FLNA: variants seen among roughly 807,000 people sequenced by gnomAD.
FLNA encodes the protein filamin A, also known as filamin-A.
In FLNA, 7 loss-of-function variants were observed where a neutral mutation model predicts 157.6. That is an observed-to-expected ratio of 0.04 (90% CI 0.03 to 0.08). The LOEUF is 0.08. Among genes scored for constraint, FLNA ranks in the 10% least tolerant of loss-of-function variants. The pLI is 1.00. For synonymous variants in FLNA, 1,103 were observed against 1,060.8 expected, an observed-to-expected ratio of 1.04 and a Z score of -0.77; for missense variants, 1,750 against 2,398.4, an observed-to-expected ratio of 0.73 and a Z score of 5.65.
intron 9 of FLNA, 73 bp downstream of exon 9, chrX:154,365,951 C>T (rs1342450793): frequency 9.6e-7 from 1 of 1,046,379 alleles, no homozygotes; most frequent in African/African-American, 1.8e-5. Context: ...GCGGGACTGG[C>T]CCAGGGGGTC....
At position 154,361,657 on chromosome X, in the gene FLNA, C is replaced by A; in HGVS notation, c.2944+13G>T. The A allele has an allele frequency of 8.3e-7, 1 of 1,204,965 alleles. No homozygotes were observed. Among genetic ancestry groups the A allele is most frequent in the Non-Finnish European group, 1.1e-6 (1 of 889,490 alleles). The stretch of plus-strand genomic sequence containing the variant: ...TGACAAAGGCCTTTGCGACAAGGGC[C>A]CCAACTACTTACTCTCTCCCAGGCC... On this transcript the variant is annotated intron_variant, in intron 20 of 47. Transcript: ENST00000369850.
In FLNA at chrX:154,360,558, T is replaced by G; in HGVS notation, c.3237A>C (p.Gly1079=). ...KVKAFGPGLQ[G]GSAGSPARFT... ...AGCGGGCGGGGGAGCCCGCACTGCC[T>G]CCCTGCAGCCCCGGCCCAAACGCCT... Residue 1079 remains glycine, a synonymous_variant, in exon 22 of 48, where the codon GGA becomes GGC. Transcript: ENST00000369850. 1 of 1,208,070 alleles carries G rather than the reference T, an allele frequency of 8.3e-7. No homozygotes were observed. Among genetic ancestry groups the G allele is most frequent in the South Asian group, 1.8e-5 (1 of 56,943 alleles).
At chrX:154,370,517 C>G (rs2067797041) in intron 2 of FLNA, among the ~76,000 whole-genome samples, 1 of 112,864 alleles carries the variant, frequency 8.9e-6, no homozygotes, top group African/African-American at 3.2e-5. Context: ...CGGGCCTCCT[C>G]CTCCTCGGGG....
intron 22 of FLNA, 25 bp from the exon 23 acceptor site, chrX:154,359,930 T>G: frequency 8.3e-7 from 1 of 1,209,184 alleles, no homozygotes; most frequent in Non-Finnish European, 1.1e-6. Context: ...AGAGGAGGCT[T>G]GGGGCTCGGG....
intron 13 of FLNA, 34 bp from the exon 14 acceptor site, chrX:154,364,406 G>A: frequency 8.4e-7 from 1 of 1,195,061 alleles, no homozygotes; most frequent in Non-Finnish European, 1.1e-6. Flanking sequence ...CAGGGGGCCA[G>A]GTCCAGGCTG....
At chrX:154,362,638 T>TCC in intron 16 of FLNA, 23 bp downstream of exon 16, 1 of 1,210,512 alleles carries the variant, frequency 8.3e-7, no homozygotes, top group Non-Finnish European at 1.1e-6. Flanking sequence ...CCACCTGCCC[T>TCC]CCCACCCACA....
In FLNA at chrX:154,365,125, G is replaced by A; in HGVS notation, c.1691+11C>T. ...GTGCAGAGCTGGGAGAGGGATGCCT[G>A]GGGGCCTCACCTGCGCCCGATGTTC... is the stretch of plus-strand genomic sequence containing the variant. On this transcript the variant is annotated intron_variant, in intron 11 of 47. Coordinates refer to ENST00000369850, the MANE Select transcript of FLNA (RefSeq NM_001110556.2). 1.7e-6 allele frequency: 2 copies of A among 1,211,345 alleles called. No homozygotes were observed. The highest frequency in any genetic ancestry group is 2.2e-5 in the Admixed American group (1 of 46,132).
intron 29 of FLNA, 23 bp downstream of exon 29, chrX:154,357,411 C>T (rs373029852): frequency 1.9e-4 from 225 of 1,201,360 alleles, no homozygotes; most frequent in Non-Finnish European, 2.3e-4. Flanking sequence ...AGCGCCGCAG[C>T]GGCCAACAGC....
chrX:154,349,738 G>A lies in FLNA; in HGVS notation c.7463C>T (p.Thr2488Ile). The change falls in exon 46 of 48, where the codon ACC becomes ATC. Residue 2488 changes from threonine to isoleucine, a missense_variant. By Grantham distance (89) the Thr-to-Ile change is moderately conservative (BLOSUM62 -1). Transcript: ENST00000369850. The part of the protein sequence containing the change: ...ECPEGYRVTY[T>I]PMAPGSYLIS... ...GAGGTAGCTGCCAGGTGCCATGGGG[G>A]TATAGGTGACGCGGTAGCCCTCAGG... is the stretch of plus-strand genomic sequence containing the variant. The A allele has an allele frequency of 5.0e-6, 6 of 1,211,852 alleles. No individual in the cohort carries two copies. Among genetic ancestry groups the A allele is most frequent in the African/African-American group, 1.7e-5 (1 of 57,979 alleles).
intron 2 of FLNA, among the ~76,000 whole-genome samples, chrX:154,369,779 G>A (rs2067791450): frequency 8.9e-6 from 1 of 111,826 alleles, no homozygotes; most frequent in African/African-American, 3.3e-5. Flanking sequence ...GTGGGGGTGG[G>A]CCTGCCCCTC....
chrX:154,366,955 A>G (rs1251762308), intron 5 of FLNA, 105 bp from the exon 6 acceptor site: 3 of 644,484 alleles, frequency 4.7e-6, no homozygotes, highest in Admixed American at 2.3e-5. Flanking sequence ...GCACATTCCA[A>G]ACTGGGCAAG....
At chrX:154,362,902 G>T in intron 15 of FLNA, 118 bp from the exon 16 acceptor site, 1 of 819,987 alleles carries the variant, frequency 1.2e-6, no homozygotes, top group Non-Finnish European at 1.7e-6. Flanking sequence ...GAGTCTGGCA[G>T]TTCCTCAGTT....
intron 15 of FLNA, among the ~76,000 whole-genome samples, chrX:154,363,281 T>C (rs1418332186): frequency 9.0e-6 from 1 of 111,121 alleles, no homozygotes; most frequent in Admixed American, 9.5e-5. Flanking sequence ...CTGGGAATGG[T>C]GGCGTATGCC....
chrX:154,374,193 G>T (rs1043495350), intron 1 of FLNA, among the ~76,000 whole-genome samples: 1 of 112,399 alleles, frequency 8.9e-6, no homozygotes, highest in Non-Finnish European at 1.9e-5. Context: ...TCTCAGGCAT[G>T]CAGTGGTCCG....
intron 43 of FLNA, 195 bp from the exon 44 acceptor site, chrX:154,351,236 T>C: frequency 4.2e-6 from 2 of 479,419 alleles, no homozygotes; most frequent in East Asian, 7.4e-5. Flanking sequence ...CCCCACACTC[T>C]GCCGTCGCAC....
intron 15 of FLNA, 53 bp from the exon 16 acceptor site, chrX:154,362,837 G>C (rs1042064451): frequency 9.6e-6 from 11 of 1,151,261 alleles, no homozygotes; most frequent in Non-Finnish European, 1.3e-5. Flanking sequence ...AGGAGACTCA[G>C]AAGCTCCCTC....
chrX:154,357,835 C>T (rs782160013), intron 28 of FLNA, among the ~76,000 whole-genome samples: 2 of 112,870 alleles, frequency 1.8e-5, no homozygotes, highest in Admixed American at 9.3e-5. Context: ...ACAACAGGCG[C>T]GGCCAGCCAG....
rs2148103882 is a variant in FLNA, at chrX:154,352,254, G to A, written c.6696C>T (p.Pro2232=). The A allele has an allele frequency of 2.5e-6, 3 of 1,211,666 alleles. No individual in the cohort carries two copies. The highest frequency in any genetic ancestry group is 1.1e-6 in the Non-Finnish European group (1 of 895,497). The change falls in exon 41 of 48, where the codon CCC becomes CCT. Residue 2232 remains proline, a synonymous_variant. Coordinates refer to ENST00000369850, the MANE Select transcript of FLNA (RefSeq NM_001110556.2). ...CCTTGTGGGCTCCCCCTTCCCCTAG[G>A]GGCCCCACGGTGAACTGGAAGGGGC... ...PGSPFQFTVG[P]LGEGGAHKVR...
At chrX:154,367,271 T>C in intron 5 of FLNA, 126 bp downstream of exon 5, 1 of 715,645 alleles carries the variant, frequency 1.4e-6, no homozygotes, top group Non-Finnish European at 2.1e-6. Flanking sequence ...TGTCTGACTC[T>C]TGGGTGGCTT....
Sources: allele counts gnomAD v4.1 joint callset (sites outside exome capture counted in the v4.1 genomes callset), GRCh38; gene constraint gnomAD v4.1.1; transcripts MANE v1.5; gene names NCBI Gene and HGNC (gene_info 2026-07-23, HGNC 2026-07-21).